FOXN3: variants seen among roughly 807,000 people sequenced by gnomAD.
The protein encoded by FOXN3 is forkhead box N3.
In FOXN3, 7 loss-of-function variants were observed where a neutral mutation model predicts 38.4. The observed-to-expected ratio is 0.18, with a 90% CI of 0.10 to 0.34. FOXN3 has a LOEUF of 0.34. Ranked by LOEUF, FOXN3 falls within the 10% of genes least tolerant of loss-of-function variation. FOXN3 has a pLI of 1.00. For synonymous variants in FOXN3, 230 were observed against 242.2 expected, an observed-to-expected ratio of 0.95 and a Z score of 0.47; for missense variants, 456 against 613.4, an observed-to-expected ratio of 0.74 and a Z score of 2.71.
At chr14:89,399,047 G>T (rs560681004) in intron 2 of FOXN3, among the ~76,000 whole-genome samples, 8 of 152,152 alleles carry the variant, frequency 5.3e-5, no homozygotes, top group Non-Finnish European at 8.8e-5. Context: ...GAATTTTTTT[G>T]TTGTTGCAGA....
At chr14:89,547,862 C>T (rs1390721775) in intron 1 of FOXN3, among the ~76,000 whole-genome samples, 13 of 152,130 alleles carry the variant, frequency 8.5e-5, no homozygotes, top group African/African-American at 3.1e-4. Flanking sequence ...AGTTGAGGGT[C>T]TTCGAAATAA....
intron 4 of FOXN3, among the ~76,000 whole-genome samples, chr14:89,191,368 G>A (rs868261454): frequency 2.6e-5 from 4 of 152,118 alleles, no homozygotes; most frequent in Non-Finnish European, 4.4e-5. Context: ...CTAATAGTGC[G>A]GTGATGCCGC....
At chr14:89,234,109 C>T (rs1450421884) in intron 4 of FOXN3, among the ~76,000 whole-genome samples, 1 of 152,212 alleles carries the variant, frequency 6.6e-6, no homozygotes, top group African/African-American at 2.4e-5. Flanking sequence ...TTGACTTCAA[C>T]AGGCACATCT....
At chr14:89,364,488 A>G (rs1481107699) in intron 2 of FOXN3, 1 of 152,426 alleles carries the variant, frequency 6.6e-6, no homozygotes, top group Non-Finnish European at 1.5e-5. Flanking sequence ...CAGCACCAAC[A>G]GGCAGGGAGG....
chr14:89,210,285 C>T (rs1888487501), intron 4 of FOXN3, among the ~76,000 whole-genome samples: 1 of 152,118 alleles, frequency 6.6e-6, no homozygotes, highest in Non-Finnish European at 1.5e-5. Flanking sequence ...ATGTGTGTGG[C>T]GCCTGCCCCC....
intron 3 of FOXN3, among the ~76,000 whole-genome samples, chr14:89,332,570 T>C (rs1053280140): frequency 3.7e-4 from 56 of 152,296 alleles, no homozygotes; most frequent in African/African-American, 1.3e-3. Flanking sequence ...GGATTAAAAC[T>C]TTAATTCAAT....
chr14:89,336,216 C>CTCCATCCATCCATCCA (rs71130057), intron 3 of FOXN3, among the ~76,000 whole-genome samples: 46,731 of 142,740 alleles, frequency 0.33, 8,073 homozygotes, highest in Middle Eastern at 0.4. Flanking sequence ...CTAACGGTGC[C>CTCCATCCATCCATCCA]TCCATCCATC....
intron 1 of FOXN3, among the ~76,000 whole-genome samples, chr14:89,440,237 C>T (rs913154511): frequency 2.0e-5 from 3 of 152,294 alleles, no homozygotes; most frequent in Admixed American, 1.3e-4. Context: ...AAGACCACCC[C>T]TTCTCTGATC....
intron 3 of FOXN3, chr14:89,290,951 C>A: frequency 3.0e-6 from 1 of 337,798 alleles, no homozygotes; most frequent in Non-Finnish European, 5.8e-6. Flanking sequence ...CAGGAGAGAA[C>A]AGAAAGCGCT....
rs149221025 is a variant in FOXN3, at chr14:89,198,519, G to T, written c.746-17713C>A. Reference sequence around the variant, plus strand: ...AAACTCCAAGTAAGCTGTGGATTTTGTGGGGAAATGCTGAGTAGATCTGCA... The same window carrying T: ...AAACTCCAAGTAAGCTGTGGATTTTTTGGGGAAATGCTGAGTAGATCTGCA... On this transcript the variant is annotated intron_variant, in intron 4 of 5. Coordinates refer to ENST00000557258, the MANE Select transcript of FOXN3 (RefSeq NM_005197.4). Among the ~76,000 whole-genome samples, 722 of 152,354 alleles carry T rather than the reference G, an allele frequency of 4.7e-3. 4 individuals are homozygous for T. The highest frequency in any genetic ancestry group is 0.017 in the African/African-American group (697 of 41,578).
intron 1 of FOXN3, among the ~76,000 whole-genome samples, chr14:89,496,440 C>A (rs1247454998): frequency 6.6e-6 from 1 of 152,008 alleles, no homozygotes; most frequent in Admixed American, 6.6e-5. Context: ...CCTTCCTTCC[C>A]AGGAGTGCCA....
chr14:89,501,365 G>A (rs1893796213), intron 1 of FOXN3, among the ~76,000 whole-genome samples: 1 of 152,142 alleles, frequency 6.6e-6, no homozygotes, highest in Non-Finnish European at 1.5e-5. Flanking sequence ...GCTCACGATG[G>A]CGGGCAGTCA....
chr14:89,565,710 C>T (rs1163819122), intron 1 of FOXN3, among the ~76,000 whole-genome samples: 1 of 152,100 alleles, frequency 6.6e-6, no homozygotes, highest in Non-Finnish European at 1.5e-5. Flanking sequence ...ACCCTATGCC[C>T]ACAAGTAGAA....
chr14:89,360,224 T>A (rs903570930), intron 2 of FOXN3, among the ~76,000 whole-genome samples: 3 of 150,206 alleles, frequency 2.0e-5, no homozygotes, highest in Admixed American at 2.0e-4. Flanking sequence ...CTGGCTCAAC[T>A]CCTCAGGGCC....
intron 2 of FOXN3, among the ~76,000 whole-genome samples, chr14:89,404,052 G>A (rs1186226912): frequency 6.6e-6 from 1 of 152,174 alleles, no homozygotes; most frequent in East Asian, 1.9e-4. Flanking sequence ...ATTCAATTCT[G>A]TATTCTTTTA....
chr14:89,256,837 A>G (rs1253260107), intron 4 of FOXN3, among the ~76,000 whole-genome samples: 1 of 152,178 alleles, frequency 6.6e-6, no homozygotes, highest in South Asian at 2.1e-4. Flanking sequence ...TTCATTATTC[A>G]GGGAAAATCT....
chr14:89,576,951 C>T (rs1197104501), intron 1 of FOXN3: 2 of 152,184 alleles, frequency 1.3e-5, no homozygotes, highest in Non-Finnish European at 2.9e-5. Flanking sequence ...AAAAATCTTC[C>T]CTAAGTATAG....
intron 1 of FOXN3, among the ~76,000 whole-genome samples, chr14:89,586,051 T>G (rs1006580589): frequency 6.6e-6 from 1 of 152,112 alleles, no homozygotes; most frequent in Non-Finnish European, 1.5e-5. Flanking sequence ...GTGGGGCTAC[T>G]TCCTCACATA....
intron 1 of FOXN3, among the ~76,000 whole-genome samples, chr14:89,513,961 C>T (rs971971070): frequency 6.6e-6 from 1 of 152,036 alleles, no homozygotes; most frequent in Admixed American, 6.6e-5. Flanking sequence ...CACGCCCTCT[C>T]CTACACCTAG....
Sources: allele counts gnomAD v4.1 joint callset (sites outside exome capture counted in the v4.1 genomes callset), GRCh38; gene constraint gnomAD v4.1.1; transcripts MANE v1.5; gene names NCBI Gene and HGNC (gene_info 2026-07-23, HGNC 2026-07-21).